The following TBKBP1 variants were observed in gnomAD, a reference collection of about 807,000 sequenced individuals.
The protein encoded by TBKBP1 is TANK-binding kinase 1-binding protein 1.
A neutral mutation model predicts 69.9 loss-of-function variants in TBKBP1; 47 were observed. The observed-to-expected ratio is 0.67, with a 90% CI of 0.53 to 0.86. The LOEUF (loss-of-function observed/expected upper bound fraction) is 0.86, where lower values mean the gene tolerates loss of function less well. Ranked by LOEUF, TBKBP1 falls within the 40% of genes least tolerant of loss-of-function variation. The pLI is 0.00. For missense variants in TBKBP1, 831 were observed against 858.6 expected (o/e 0.97, Z 0.40); for synonymous variants, 418 against 390.3 (o/e 1.07, Z -0.84).
intron 7 of TBKBP1, among the ~76,000 whole-genome samples, chr17:47,700,492 C>T (rs1259202257): frequency 6.6e-6 from 1 of 151,698 alleles, no homozygotes; most frequent in East Asian, 1.9e-4. Flanking sequence ...TGCTTTGTCG[C>T]TGTGTCCAGT....
At chr17:47,703,365 C>G (rs965512216) in intron 7 of TBKBP1, among the ~76,000 whole-genome samples, 1 of 152,210 alleles carries the variant, frequency 6.6e-6, no homozygotes, top group Non-Finnish European at 1.5e-5. Flanking sequence ...ATACCCTGAG[C>G]GTAGCCTCAT....
At chr17:47,697,652 C>T (rs1365401335) in intron 4 of TBKBP1, among the ~76,000 whole-genome samples, 1 of 152,104 alleles carries the variant, frequency 6.6e-6, no homozygotes, top group Non-Finnish European at 1.5e-5. Flanking sequence ...CAGGGTATGG[C>T]TGTGCCGGTG....
chr17:47,698,179 C>T (rs2031327141), intron 4 of TBKBP1, among the ~76,000 whole-genome samples: 1 of 152,134 alleles, frequency 6.6e-6, no homozygotes, highest in Admixed American at 6.5e-5. Context: ...CTGTTCTTTT[C>T]ACCTGGCATA....
chr17:47,705,895 C>T (rs1414212954), intron 7 of TBKBP1, among the ~76,000 whole-genome samples: 1 of 152,166 alleles, frequency 6.6e-6, no homozygotes, highest in African/African-American at 2.4e-5. Context: ...ACAGAACCCA[C>T]CTGCCTCAGG....
chr17:47,707,084 C>T (rs932104588), intron 7 of TBKBP1, among the ~76,000 whole-genome samples: 14 of 152,218 alleles, frequency 9.2e-5, no homozygotes, highest in African/African-American at 3.4e-4. Context: ...GCTCCATCTT[C>T]CACTAAGTTC....
At chr17:47,706,599 A>G (rs1567908697) in intron 7 of TBKBP1, among the ~76,000 whole-genome samples, 1 of 152,174 alleles carries the variant, frequency 6.6e-6, no homozygotes, top group Non-Finnish European at 1.5e-5. Context: ...CTCCCTAAGA[A>G]GAGGGCTGTC....
rs759991528 is a variant in TBKBP1, at chr17:47,698,612, G to A, written c.471G>A (p.Thr157=). 2.8e-5 allele frequency: 44 copies of A among 1,594,614 alleles called. No individual in the cohort carries two copies. In the Admixed American group the frequency reaches 4.9e-4, roughly 18 times the overall value. The change falls in exon 5 of 10, where the codon ACG becomes ACA. Residue 157 remains threonine, a synonymous_variant. Coordinates refer to ENST00000578982, the MANE Select transcript of TBKBP1 (RefSeq NM_001394755.1). The part of the protein sequence containing the change: ...ELREMRALVE[T]HLRQICGLEQ... The stretch of plus-strand genomic sequence containing the variant: ...CTCTCCAGAGGGCCCTGGTGGAGAC[G>A]CACCTGCGTCAGATCTGTGGTTTGG...
chr17:47,708,319 A>T lies in TBKBP1; in HGVS notation c.873-75A>T. ...ATGGTGGGGCCAGATGCTGGGGTAG[A>T]GCCAGTTCTTCCTCCACAGCTGGGA... On this transcript the variant is annotated intron_variant, in intron 7 of 9. Transcript: ENST00000578982. The surrounding 1 kb of genome is among the most constrained non-coding windows in gnomAD (Gnocchi z 4.4). 2.0e-6 allele frequency: 3 copies of T among 1,498,394 alleles called. No homozygotes were observed. Among genetic ancestry groups the T allele is most frequent in the Non-Finnish European group, 2.8e-6 (3 of 1,085,356 alleles). 92.8% of individuals were successfully genotyped at this position (1,498,394 alleles called of 1,614,324 possible). A position where few individuals can be genotyped will look rare whatever the true frequency, so the allele number is the denominator to read the frequency against.
chr17:47,698,833 C>G, intron 5 of TBKBP1, 58 bp downstream of exon 5: 1 of 1,412,410 alleles, frequency 7.1e-7, no homozygotes, highest in Non-Finnish European at 9.5e-7. Context: ...TTCAACATTC[C>G]TAGACACCTC....
chr17:47,704,830 C>T (rs1282798049), intron 7 of TBKBP1, among the ~76,000 whole-genome samples: 2 of 152,126 alleles, frequency 1.3e-5, no homozygotes, highest in Admixed American at 1.3e-4. Context: ...GTGAATTATT[C>T]GTGGAAAGAC....
chr17:47,708,048 TTC>T lies in TBKBP1; in HGVS notation c.873-345_873-344del, dbSNP rs1382378681. ...AGCTTTTGCACAGATTAGAAAAACA[TTC>T]ACACATACCTGTATGAGCTGTGTTC... On this transcript the variant is annotated intron_variant, in intron 7 of 9. Transcript: ENST00000578982. The surrounding 1 kb of genome is among the most constrained non-coding windows in gnomAD (Gnocchi z 4.4). Among the ~76,000 whole-genome samples, 4 of 152,348 alleles carry T rather than the reference TTC, an allele frequency of 2.6e-5. No individual in the cohort carries two copies. In the East Asian group the frequency reaches 7.7e-4, roughly 29 times the overall value.
At chr17:47,701,497 G>A (rs2031502868) in intron 7 of TBKBP1, among the ~76,000 whole-genome samples, 1 of 152,174 alleles carries the variant, frequency 6.6e-6, no homozygotes, top group Non-Finnish European at 1.5e-5. Flanking sequence ...GAATCTCCCT[G>A]AATTGGTAGA....
rs868744711 is a variant in TBKBP1 at position 47,708,928 on chromosome 17, C to A, written c.1195C>A (p.Arg399Ser). The A allele has an allele frequency of 7.7e-7, 1 of 1,292,074 alleles. No individual in the cohort carries two copies. The highest frequency in any genetic ancestry group is 9.9e-7 in the Non-Finnish European group (1 of 1,014,296). 80.0% of individuals were successfully genotyped at this position (1,292,074 alleles called of 1,614,324 possible). ...CTGCCCGTCGCCCGTCCCGCAGCGC[C>A]GCTCGCCGGTGCCGCCGTCGTGCCA... is the stretch of plus-strand genomic sequence containing the variant. ...PSCPSPVPQR[R>S]SPVPPSCQSP... Residue 399 changes from arginine to serine, a missense_variant, in exon 9 of 10, where the codon CGC becomes AGC. Transcript: ENST00000578982. This position sits in a 1 kb window ranked among gnomAD's most constrained non-coding sequence, Gnocchi z 4.4.
rs766849123 is a variant in TBKBP1, at chr17:47,696,258, G to C, written c.146G>C (p.Gly49Ala). ...CACTTTGCCCTCATCACTGCTTACG[G>C]AGACATCAAGGAACGGCTGGGGGGC... ...ASHFALITAY[G>A]DIKERLGGLE... The change falls in exon 2 of 10, where the codon GGA becomes GCA. Residue 49 changes from glycine (G) to alanine (A), a missense_variant. Gly to Ala is a moderately conservative substitution (Grantham distance 60). Transcript: ENST00000578982. 1 of 1,613,714 alleles carries C rather than the reference G, an allele frequency of 6.2e-7. No homozygotes were observed. Among genetic ancestry groups the C allele is most frequent in the South Asian group, 1.1e-5 (1 of 91,088 alleles).
chr17:47,709,205 C>T lies in TBKBP1; in HGVS notation c.1472C>T (p.Ala491Val), dbSNP rs748971129. The change falls in exon 9 of 10, where the codon GCC (alanine) becomes GTC (valine). Residue 491 changes from alanine to valine, a missense_variant. By Grantham distance (64) the Ala-to-Val change is moderately conservative. Transcript: ENST00000578982. ...GCGGCCACTCTCCCCAAGCCCCGGGCCTACGGCAGCGAGCTCTACGGCCCT... is the reference window on the plus strand; with the variant it reads ...GCGGCCACTCTCCCCAAGCCCCGGGTCTACGGCAGCGAGCTCTACGGCCCT... ...AEAATLPKPR[A>V]YGSELYGPGR... 6.6e-6 allele frequency: 10 copies of T among 1,517,026 alleles called. No individual in the cohort carries two copies. The South Asian group carries it at 9.8e-5, about 15-fold the overall frequency. The allele number at this position is 1,517,026 out of a possible 1,614,324, so 94.0% of individuals were successfully genotyped here.
In TBKBP1 at chr17:47,696,230, T is replaced by C. The variant is rs1179321250; in HGVS notation, c.118T>C (p.Ser40Pro). 6.2e-7 allele frequency: 1 copy of C among 1,613,684 alleles called. No homozygotes were observed. The change falls in exon 2 of 10, where the codon TCC (serine) becomes CCC (proline). Residue 40 changes from serine (S) to proline (P), a missense_variant. By Grantham distance (74) the Ser-to-Pro change is moderately conservative (BLOSUM62 -1). Coordinates refer to ENST00000578982, the MANE Select transcript of TBKBP1 (RefSeq NM_001394755.1). The part of the protein sequence containing the change: ...PSLGGDMCSA[S>P]HFALITAYGD... ...GCTTGGGGGCGACATGTGCTCCGCC[T>C]CCCACTTTGCCCTCATCACTGCTTA...
At chr17:47,699,252 T>C in intron 5 of TBKBP1, 68 bp from the exon 6 acceptor site, 3 of 1,422,088 alleles carry the variant, frequency 2.1e-6, no homozygotes, top group Non-Finnish European at 2.8e-6. Flanking sequence ...CATCCTCCTG[T>C]TTCACTCTGG....
Position 47,696,807 on chromosome 17 carries a change from C to G in TBKBP1, c.322C>G (p.Gln108Glu). 5 of 1,613,898 alleles carry G rather than the reference C, an allele frequency of 3.1e-6. No homozygotes were observed. The highest frequency in any genetic ancestry group is 4.2e-6 in the Non-Finnish European group (5 of 1,179,824). ...GGAGGTGGAGAAGGTCAGCCTGCAGCAACGGCTCAACCAGTTCCAGCATGA... is the reference window on the plus strand; with the variant it reads ...GGAGGTGGAGAAGGTCAGCCTGCAGGAACGGCTCAACCAGTTCCAGCATGA... ...LLEVEKVSLQ[Q>E]RLNQFQHELQ... Residue 108 changes from glutamine (Q) to glutamate (E), a missense_variant, in exon 3 of 10, where the codon CAA (glutamine) becomes GAA (glutamate). Coordinates refer to ENST00000578982, the MANE Select transcript of TBKBP1 (RefSeq NM_001394755.1).
At chr17:47,696,989 T>C (rs1220495061) in intron 3 of TBKBP1, 100 bp from the exon 4 acceptor site, 1 of 1,508,956 alleles carries the variant, frequency 6.6e-7, no homozygotes, top group Non-Finnish European at 9.0e-7. Context: ...TGCCCCTCCA[T>C]AGGGTGCTGG....
Sources: gnomAD v4.1 joint callset for allele counts (sites outside exome capture counted in the v4.1 genomes callset) on GRCh38, gnomAD v4.1.1 for gene constraint, Gnocchi (gnomAD v3.1) non-coding constraint, MANE v1.5 for transcripts, NCBI Gene and HGNC (gene_info 2026-07-23, HGNC 2026-07-21) for gene names.